The following MACROD2 variants were observed in gnomAD, a reference collection of about 807,000 sequenced individuals.
MACROD2 encodes mono-ADP ribosylhydrolase 2, also known as ADP-ribose glycohydrolase MACROD2.
In MACROD2, 36 loss-of-function variants were observed where a neutral mutation model predicts 70.4. The observed-to-expected ratio is 0.51, with a 90% CI of 0.39 to 0.68. MACROD2 has a LOEUF of 0.68. MACROD2 is among the 30% of genes least tolerant of loss of function. MACROD2 has a pLI of 0.00. For missense variants in MACROD2, 496 were observed against 538.4 expected (o/e 0.92, Z 0.78); for synonymous variants, 172 against 178.8 (o/e 0.96, Z 0.30).
At chr20:15,694,036 G>T (rs2050333144) in intron 8 of MACROD2, among the ~76,000 whole-genome samples, 1 of 152,140 alleles carries the variant, frequency 6.6e-6, no homozygotes, top group Admixed American at 6.5e-5. Flanking sequence ...CACTGCAAAT[G>T]CTGTTAATTC....
chr20:15,601,425 T>A (rs1195415585), intron 8 of MACROD2, among the ~76,000 whole-genome samples: 1 of 151,798 alleles, frequency 6.6e-6, no homozygotes, highest in Non-Finnish European at 1.5e-5. Flanking sequence ...TCAGCTGAAA[T>A]GAACAAAAAA....
intron 8 of MACROD2, among the ~76,000 whole-genome samples, chr20:15,674,904 C>A (rs544439533): frequency 2.0e-5 from 3 of 152,122 alleles, no homozygotes; most frequent in Non-Finnish European, 2.9e-5. Context: ...CTCTCCATTA[C>A]TTTTAGTTTT....
chr20:15,987,638 C>T (rs2066504824), intron 15 of MACROD2, among the ~76,000 whole-genome samples: 2 of 151,966 alleles, frequency 1.3e-5, no homozygotes, highest in African/African-American at 4.8e-5. Context: ...AGGATGCAAT[C>T]ATATTGAATA....
chr20:15,406,931 G>A (rs2046010259), intron 6 of MACROD2, among the ~76,000 whole-genome samples: 1 of 152,148 alleles, frequency 6.6e-6, no homozygotes, highest in Non-Finnish European at 1.5e-5. Flanking sequence ...AAGCATGGTT[G>A]GCACAAAGAC....
intron 13 of MACROD2, 111 bp from the exon 14 acceptor site, chr20:15,986,616 C>G (rs560011156): frequency 1.7e-6 from 1 of 583,736 alleles, no homozygotes; most frequent in East Asian, 3.2e-5. Flanking sequence ...GGTTTCAAAA[C>G]TGTTCTCTAT....
intron 5 of MACROD2, among the ~76,000 whole-genome samples, chr20:14,689,749 C>T (rs2071041522): frequency 1.3e-5 from 2 of 152,164 alleles, no homozygotes; most frequent in Admixed American, 6.5e-5. Context: ...CTTCACACTC[C>T]AGAATACTTC....
intron 6 of MACROD2, among the ~76,000 whole-genome samples, chr20:15,374,311 T>C (rs1043610804): frequency 6.6e-6 from 1 of 151,968 alleles, no homozygotes; most frequent in Non-Finnish European, 1.5e-5. Context: ...TATACATATG[T>C]AATTACACTT....
At chr20:15,715,047 C>T (rs1204875091) in intron 8 of MACROD2, among the ~76,000 whole-genome samples, 1 of 151,998 alleles carries the variant, frequency 6.6e-6, no homozygotes, top group Non-Finnish European at 1.5e-5. Context: ...CAGGAAAATG[C>T]CAGTTAAGAT....
chr20:14,679,588 T>A (rs2070904935), intron 4 of MACROD2, among the ~76,000 whole-genome samples: 2 of 152,208 alleles, frequency 1.3e-5, no homozygotes, highest in South Asian at 4.1e-4. Flanking sequence ...TAAAAATAAG[T>A]CTAGCAACAG....
chr20:14,083,657 G>T (rs1344215123), intron 2 of MACROD2, among the ~76,000 whole-genome samples: 1 of 152,008 alleles, frequency 6.6e-6, no homozygotes, highest in Non-Finnish European at 1.5e-5. Context: ...GTCCCTGAGA[G>T]GTCAACTCAA....
intron 3 of MACROD2, among the ~76,000 whole-genome samples, chr20:14,168,125 GA>G (rs994429697): frequency 2.6e-5 from 4 of 152,058 alleles, no homozygotes; most frequent in Non-Finnish European, 5.9e-5. Flanking sequence ...CTCTAAATAT[GA>G]AAATAATGTA....
intron 3 of MACROD2, among the ~76,000 whole-genome samples, chr20:14,357,740 A>T (rs1356587684): frequency 6.6e-6 from 1 of 152,192 alleles, no homozygotes; most frequent in Non-Finnish European, 1.5e-5. Flanking sequence ...CTGCTAGTGA[A>T]CTTGAACAGA....
chr20:14,073,633 A>G (rs1316962636), intron 2 of MACROD2, among the ~76,000 whole-genome samples: 1 of 152,244 alleles, frequency 6.6e-6, no homozygotes, highest in Non-Finnish European at 1.5e-5. Context: ...AGTGAAAGGT[A>G]GAGATCACCG....
At chr20:15,636,833 G>A (rs1478451395) in intron 8 of MACROD2, among the ~76,000 whole-genome samples, 2 of 152,044 alleles carry the variant, frequency 1.3e-5, no homozygotes, top group Non-Finnish European at 2.9e-5. Context: ...TGACTCTGGG[G>A]GCCAAGCAGG....
intron 3 of MACROD2, among the ~76,000 whole-genome samples, chr20:14,152,152 G>A (rs1313383161): frequency 6.6e-6 from 1 of 152,032 alleles, no homozygotes; most frequent in South Asian, 2.1e-4. Flanking sequence ...TCATTTTTAA[G>A]TCATTAATTA....
chr20:14,616,383 A>G (rs1359699096), intron 4 of MACROD2, among the ~76,000 whole-genome samples: 1 of 152,082 alleles, frequency 6.6e-6, no homozygotes, highest in African/African-American at 2.4e-5. Context: ...CTTATACCAC[A>G]GTGATGGTTT....
At chr20:15,011,778 G>A (rs1274680851) in intron 5 of MACROD2, among the ~76,000 whole-genome samples, 2 of 152,144 alleles carry the variant, frequency 1.3e-5, no homozygotes, top group South Asian at 2.1e-4. Context: ...CCTATCCCTT[G>A]GGTCATGGTG....
intron 3 of MACROD2, among the ~76,000 whole-genome samples, chr20:14,141,053 C>A (rs1280184949): frequency 6.6e-6 from 1 of 152,176 alleles, no homozygotes; most frequent in African/African-American, 2.4e-5. Flanking sequence ...GCATATGCTT[C>A]AGTGTGTTGT....
At chr20:15,130,393 G>A (rs965947509) in intron 5 of MACROD2, among the ~76,000 whole-genome samples, 1 of 151,756 alleles carries the variant, frequency 6.6e-6, no homozygotes, top group Non-Finnish European at 1.5e-5. Context: ...TAGGCAATGT[G>A]CATCTAGTTG....
Sources: allele counts gnomAD v4.1 joint callset (sites outside exome capture counted in the v4.1 genomes callset), GRCh38; gene constraint gnomAD v4.1.1; transcripts MANE v1.5; gene names NCBI Gene and HGNC (gene_info 2026-07-23, HGNC 2026-07-21).